Variants in PTPRG observed in about 807,000 individuals in gnomAD.
PTPRG encodes the protein receptor-type tyrosine-protein phosphatase gamma.
In PTPRG, 102 loss-of-function variants were observed where a neutral mutation model predicts 165.3. That is an observed-to-expected ratio of 0.62 (90% CI 0.53 to 0.73). The LOEUF (loss-of-function observed/expected upper bound fraction) is 0.73. Among genes scored for constraint, PTPRG ranks in the 30% least tolerant of loss-of-function variants. PTPRG has a pLI of 0.00. For synonymous variants in PTPRG, 675 were observed against 669.5 expected (o/e 1.01, Z -0.13); for missense variants, 1,866 against 1,861.4 (o/e 1.00, Z -0.05).
At chr3:61,893,732 T>A (rs1379403084) in intron 2 of PTPRG, among the ~76,000 whole-genome samples, 1 of 152,196 alleles carries the variant, frequency 6.6e-6, no homozygotes, top group Non-Finnish European at 1.5e-5. Context: ...AGGCTTTCAG[T>A]GGTGTATAAT....
In PTPRG at chr3:62,203,309, C is replaced by T; in HGVS notation, c.1514C>T (p.Ala505Val). 6.2e-7 allele frequency: 1 copy of T among 1,614,006 alleles called. No individual in the cohort carries two copies. Among genetic ancestry groups the T allele is most frequent in the South Asian group, 1.1e-5 (1 of 91,058 alleles). The change falls in exon 12 of 30, where the codon GCC (alanine) becomes GTC (valine). Residue 505 changes from alanine (A) to valine (V), a missense_variant. Coordinates refer to ENST00000474889, the MANE Select transcript of PTPRG (RefSeq NM_002841.4). The surrounding 1 kb of genome is among the most constrained non-coding windows in gnomAD (Gnocchi z 6.4). The stretch of plus-strand genomic sequence containing the variant: ...GGCCCCTCCTCCAGTGGCAGCCAGG[C>T]CACAGTGGCCTCGGTGGTCACCAGC... The part of the protein sequence containing the change: ...GMGPSSSGSQ[A>V]TVASVVTSTL...
chr3:62,051,562 G>A (rs1344746270), intron 4 of PTPRG, among the ~76,000 whole-genome samples: 1 of 152,080 alleles, frequency 6.6e-6, no homozygotes, highest in African/African-American at 2.4e-5. Flanking sequence ...AGATTCCAGG[G>A]CCCCCCTTGA....
intron 1 of PTPRG, among the ~76,000 whole-genome samples, chr3:61,589,805 C>T (rs1464767334): frequency 1.3e-5 from 2 of 151,920 alleles, no homozygotes; most frequent in East Asian, 1.9e-4. Flanking sequence ...GGATAGTGGA[C>T]AGCTGGATGG....
intron 5 of PTPRG, among the ~76,000 whole-genome samples, chr3:62,122,787 G>A (rs528956107): frequency 1.7e-3 from 266 of 152,244 alleles, no homozygotes; most frequent in Non-Finnish European, 2.8e-3. Flanking sequence ...CTCTAGAAAC[G>A]GTGACATAGC....
rs1193435058 is a variant in PTPRG at position 61,609,354 on chromosome 3, G to A, written c.85+46982G>A. ...GTCAGAAACCTAGAAAGCCTTTTGG[G>A]GAACTTTATATATGTTGTGCTGTTT... On this transcript the variant is annotated intron_variant, in intron 1 of 29. Coordinates refer to ENST00000474889, the MANE Select transcript of PTPRG (RefSeq NM_002841.4). Among the ~76,000 whole-genome samples, 4 of 152,266 alleles carry A rather than the reference G, an allele frequency of 2.6e-5. No homozygotes were observed. In the East Asian group the frequency reaches 7.7e-4, roughly 29 times the overall value.
chr3:62,287,266 A>G (rs983264255), intron 28 of PTPRG, among the ~76,000 whole-genome samples: 3 of 152,172 alleles, frequency 2.0e-5, no homozygotes, highest in South Asian at 2.1e-4. Context: ...AAATCAGTAC[A>G]AATGACTTTT....
At chr3:61,814,181 G>A (rs925141016) in intron 2 of PTPRG, among the ~76,000 whole-genome samples, 1 of 152,210 alleles carries the variant, frequency 6.6e-6, no homozygotes, top group African/African-American at 2.4e-5. Flanking sequence ...GATTACAGGC[G>A]TGAGCCACAG....
chr3:61,987,845 CT>C (rs994792768), intron 2 of PTPRG, among the ~76,000 whole-genome samples: 1 of 151,852 alleles, frequency 6.6e-6, no homozygotes, highest in Non-Finnish European at 1.5e-5. Context: ...CGTTCGTCTC[CT>C]TTTTTTTCTT....
At chr3:61,805,280 A>G (rs1432621387) in intron 2 of PTPRG, among the ~76,000 whole-genome samples, 3 of 152,194 alleles carry the variant, frequency 2.0e-5, no homozygotes, top group Admixed American at 6.5e-5. Context: ...GCTGCTGAAC[A>G]TTCTACAATG....
At chr3:61,718,736 G>A in intron 1 of PTPRG, among the ~76,000 whole-genome samples, 1 of 152,190 alleles carries the variant, frequency 6.6e-6, no homozygotes, top group East Asian at 1.9e-4. Flanking sequence ...ACAGGCTGAT[G>A]ATTTCGCTGG....
chr3:61,778,429 A>T (rs1559606886), intron 2 of PTPRG, among the ~76,000 whole-genome samples: 1 of 152,118 alleles, frequency 6.6e-6, no homozygotes. Context: ...CTAATCAGAG[A>T]TACTTTCAAT....
At chr3:61,738,190 G>T (rs553858589) in intron 1 of PTPRG, among the ~76,000 whole-genome samples, 17 of 147,640 alleles carry the variant, frequency 1.2e-4, no homozygotes, top group African/African-American at 3.7e-4. Flanking sequence ...GAGCCACCGC[G>T]CCCGGCCTAT....
chr3:61,579,502 G>A (rs148689871), intron 1 of PTPRG, among the ~76,000 whole-genome samples: 8 of 152,318 alleles, frequency 5.3e-5, no homozygotes, highest in Non-Finnish European at 1.0e-4. Context: ...TCATCTTAGG[G>A]GCTGGACACA....
intron 4 of PTPRG, among the ~76,000 whole-genome samples, chr3:62,073,402 A>G (rs1473529009): frequency 6.6e-6 from 1 of 152,246 alleles, no homozygotes; most frequent in Non-Finnish European, 1.5e-5. Flanking sequence ...CACCTTAGCC[A>G]CATGATCAAG....
chr3:61,694,022 A>AG (rs1559560190), intron 1 of PTPRG, among the ~76,000 whole-genome samples: 4 of 140,850 alleles, frequency 2.8e-5, no homozygotes, highest in African/African-American at 9.0e-5. Context: ...AAAAAAAAAA[A>AG]AAAAGAGAGA....
chr3:62,276,354 G>A (rs1359664352), intron 24 of PTPRG: 2 of 157,030 alleles, frequency 1.3e-5, no homozygotes, highest in African/African-American at 2.4e-5. Flanking sequence ...TATTGCTGTG[G>A]CATTAACATT....
chr3:62,081,268 AC>A (rs375771984), intron 5 of PTPRG, among the ~76,000 whole-genome samples: 1,161 of 95,578 alleles, frequency 0.012, 120 homozygotes, highest in African/African-American at 0.036. Flanking sequence ...AAACAAACAA[AC>A]AAACAAACAA....
intron 4 of PTPRG, among the ~76,000 whole-genome samples, chr3:62,049,124 A>AC (rs5849460): frequency 0.19 from 28,788 of 152,056 alleles, 2,967 homozygotes; most frequent in Admixed American, 0.27. Context: ...ACAAAACAAA[A>AC]AAAAAAACAG....
intron 5 of PTPRG, among the ~76,000 whole-genome samples, chr3:62,082,565 G>A (rs1701618022): frequency 6.6e-6 from 1 of 152,192 alleles, no homozygotes; most frequent in Non-Finnish European, 1.5e-5. Context: ...TGGAGGGAGT[G>A]TGTGTTCCCA....
Sources: allele counts gnomAD v4.1 joint callset (sites outside exome capture counted in the v4.1 genomes callset), GRCh38; gene constraint gnomAD v4.1.1; non-coding constraint Gnocchi (gnomAD v3.1); transcripts MANE v1.5; gene names NCBI Gene and HGNC (gene_info 2026-07-23, HGNC 2026-07-21).